The following ZBTB7C variants were observed in gnomAD, a reference collection of about 807,000 sequenced individuals.
ZBTB7C encodes zinc finger and BTB domain-containing protein 7C.
ZBTB7C carries 8 observed loss-of-function variants against 25.7 expected under a neutral mutation model. The ratio of observed to expected loss-of-function variants is 0.31; its 90% confidence interval spans 0.18 to 0.56. ZBTB7C has a LOEUF of 0.56. Among genes scored for constraint, ZBTB7C ranks in the 20% least tolerant of loss-of-function variants. The pLI is 0.91. For synonymous variants in ZBTB7C, 394 were observed against 369.0 expected (o/e 1.07, Z -0.78); for missense variants, 824 against 855.2 (o/e 0.96, Z 0.46).
chr18:48,033,486 A>G (rs557754947), intron 4 of ZBTB7C, among the ~76,000 whole-genome samples: 1 of 152,320 alleles, frequency 6.6e-6, no homozygotes, highest in Non-Finnish European at 1.5e-5. Flanking sequence ...GGGTATGCCA[A>G]TGGGAGGAAC....
intron 3 of ZBTB7C, among the ~76,000 whole-genome samples, chr18:48,097,679 G>A (rs1202859247): frequency 6.6e-6 from 1 of 152,126 alleles, no homozygotes; most frequent in Non-Finnish European, 1.5e-5. Flanking sequence ...TTACAGGCGC[G>A]AGCTACGGCG....
chr18:48,261,491 T>C (rs1374108007), intron 2 of ZBTB7C, among the ~76,000 whole-genome samples: 1 of 152,208 alleles, frequency 6.6e-6, no homozygotes, highest in Non-Finnish European at 1.5e-5. Flanking sequence ...GCCGGAACTA[T>C]GTGGGAAAGA....
upstream of ZBTB7C, among the ~76,000 whole-genome samples, chr18:48,411,773 A>T (rs943455563): frequency 6.6e-6 from 1 of 152,232 alleles, no homozygotes; most frequent in East Asian, 1.9e-4. Context: ...AGTCTAGTAA[A>T]TAGTAAATAG....
intron 3 of ZBTB7C, among the ~76,000 whole-genome samples, chr18:48,181,362 C>T (rs1380155791): frequency 6.6e-6 from 1 of 152,186 alleles, no homozygotes. Flanking sequence ...AGCATTTTAC[C>T]ACCTGGCAGA....
At chr18:48,402,504 T>C (rs2048183539) in intron 1 of ZBTB7C, among the ~76,000 whole-genome samples, 1 of 151,978 alleles carries the variant, frequency 6.6e-6, no homozygotes, top group Non-Finnish European at 1.5e-5. Flanking sequence ...TCACAATGTG[T>C]TGGAAGGGGG....
intron 2 of ZBTB7C, among the ~76,000 whole-genome samples, chr18:48,316,469 G>A (rs1200423816): frequency 2.6e-5 from 4 of 152,230 alleles, no homozygotes; most frequent in African/African-American, 7.2e-5. Context: ...CAAACCTTAC[G>A]TTGAAATGTG....
intron 2 of ZBTB7C, among the ~76,000 whole-genome samples, chr18:48,217,939 C>T (rs1013569042): frequency 6.6e-6 from 1 of 152,128 alleles, no homozygotes. Flanking sequence ...GGATGAGCCA[C>T]ACGGCTACCA....
At chr18:48,244,105 A>G (rs1257336515) in intron 2 of ZBTB7C, among the ~76,000 whole-genome samples, 1 of 152,202 alleles carries the variant, frequency 6.6e-6, no homozygotes, top group African/African-American at 2.4e-5. Context: ...TCTTCCAGAC[A>G]TTGGCTTAGG....
At chr18:48,135,361 C>T (rs1159292797) in intron 3 of ZBTB7C, among the ~76,000 whole-genome samples, 1 of 152,104 alleles carries the variant, frequency 6.6e-6, no homozygotes, top group Non-Finnish European at 1.5e-5. Context: ...CGATTCCTGT[C>T]TCTGCAGTTA....
chr18:48,196,099 A>G (rs1050081465), intron 2 of ZBTB7C, among the ~76,000 whole-genome samples: 1 of 152,176 alleles, frequency 6.6e-6, no homozygotes, highest in African/African-American at 2.4e-5. Context: ...GAATGGAGAA[A>G]GCTGGTAAAT....
At chr18:48,375,245 G>A (rs900000571) in intron 1 of ZBTB7C, among the ~76,000 whole-genome samples, 3 of 152,314 alleles carry the variant, frequency 2.0e-5, no homozygotes, top group Non-Finnish European at 2.9e-5. Flanking sequence ...AAACCCACCC[G>A]CAGTCTCTCC....
At chr18:48,348,012 A>C (rs2145019172) in intron 1 of ZBTB7C, among the ~76,000 whole-genome samples, 1 of 152,356 alleles carries the variant, frequency 6.6e-6, no homozygotes, top group Non-Finnish European at 1.5e-5. Flanking sequence ...AGGGAGCAGC[A>C]TGGTAGCAAT....
intron 3 of ZBTB7C, chr18:48,137,416 C>T (rs12605964): frequency 0.61 from 465,526 of 764,598 alleles, 140,948 homozygotes; most frequent in Admixed American, 0.72. Flanking sequence ...TTGTGGGTTT[C>T]CCCCCACTCT....
chr18:48,363,363 C>T (rs1423856430), intron 1 of ZBTB7C, among the ~76,000 whole-genome samples: 1 of 152,130 alleles, frequency 6.6e-6, no homozygotes, highest in Non-Finnish European at 1.5e-5. Flanking sequence ...AATTTACTGT[C>T]AGGGAGCCAT....
At chr18:48,238,625 G>A (rs1422598065) in intron 2 of ZBTB7C, among the ~76,000 whole-genome samples, 4 of 152,152 alleles carry the variant, frequency 2.6e-5, no homozygotes. Flanking sequence ...CTCTGTAGGC[G>A]CTCCTGGTCC....
intron 2 of ZBTB7C, among the ~76,000 whole-genome samples, chr18:48,324,770 C>T (rs749288573): frequency 1.3e-5 from 2 of 152,118 alleles, no homozygotes; most frequent in Non-Finnish European, 2.9e-5. Flanking sequence ...CTGTGTGCTG[C>T]GTGAAGACTG....
chr18:48,199,931 A>G (rs2042399094), intron 2 of ZBTB7C, among the ~76,000 whole-genome samples: 1 of 152,288 alleles, frequency 6.6e-6, no homozygotes, highest in East Asian at 1.9e-4. Context: ...TCAAAACTGC[A>G]CGCTGAGTGG....
intron 1 of ZBTB7C, among the ~76,000 whole-genome samples, chr18:48,403,726 T>C (rs781499459): frequency 6.6e-6 from 1 of 152,170 alleles, no homozygotes; most frequent in Non-Finnish European, 1.5e-5. Flanking sequence ...GGGTACAGTG[T>C]ACGCTGCTCA....
chr18:48,270,576 G>C (rs1349495863), intron 2 of ZBTB7C, among the ~76,000 whole-genome samples: 2 of 150,344 alleles, frequency 1.3e-5, no homozygotes, highest in Non-Finnish European at 3.0e-5. Context: ...TGTAATCCCA[G>C]CTACTTGGGA....
Sources: gnomAD v4.1 joint callset for allele counts (sites outside exome capture counted in the v4.1 genomes callset) on GRCh38, gnomAD v4.1.1 for gene constraint, MANE v1.5 for transcripts, NCBI Gene and HGNC (gene_info 2026-07-23, HGNC 2026-07-21) for gene names.